The following HK2 variants were observed in gnomAD, a reference collection of about 807,000 sequenced individuals.
HK2 encodes hexokinase 2.
HK2 carries 42 observed loss-of-function variants against 92.9 expected under a neutral mutation model. That is an observed-to-expected ratio of 0.45 (90% confidence interval 0.35 to 0.58). The LOEUF (loss-of-function observed/expected upper bound fraction) is 0.58, where lower values mean the gene tolerates loss of function less well. HK2 is among the 20% of genes least tolerant of loss of function. The pLI, the probability that HK2 is intolerant of heterozygous loss-of-function variation, is 0.00. For synonymous variants in HK2, 422 were observed against 468.0 expected, an observed-to-expected ratio of 0.90 and a Z score of 1.27; for missense variants, 978 against 1,245.1, an observed-to-expected ratio of 0.79 and a Z score of 3.23.
chr2:74,852,688 TA>T (rs886620139), intron 1 of HK2, among the ~76,000 whole-genome samples: 337 of 145,586 alleles, frequency 2.3e-3, no homozygotes, highest in Admixed American at 3.1e-3. Context: ...ATTAAAAGAT[TA>T]AAAAAAAAAA....
intron 7 of HK2, among the ~76,000 whole-genome samples, chr2:74,874,766 G>GC (rs1441828558): frequency 6.6e-6 from 1 of 152,178 alleles, no homozygotes; most frequent in Non-Finnish European, 1.5e-5. Context: ...GGAACTGTGA[G>GC]CCACCTAAGG....
At chr2:74,857,268 T>C (rs973607933) in intron 2 of HK2, among the ~76,000 whole-genome samples, 7 of 152,244 alleles carry the variant, frequency 4.6e-5, no homozygotes, top group African/African-American at 1.7e-4. Flanking sequence ...TAGTCTGTTC[T>C]GCACATCTAC....
In HK2 at chr2:74,863,789, G is replaced by T. The variant is rs148549116; in HGVS notation, c.227-3847G>T. On this transcript the variant is annotated intron_variant, in intron 2 of 17. Transcript: ENST00000290573. ...GGAATGTTCAGTGCAGTTACCTGGG[G>T]CCACTGGAAATGATATTGTAGGGCA... 2.8e-3 allele frequency among the ~76,000 whole-genome samples: 424 copies of T among 152,290 alleles called. 1 individual carries two copies. Among genetic ancestry groups the T allele is most frequent in the African/African-American group, 9.4e-3 (392 of 41,556 alleles).
chr2:74,839,909 C>T (rs1688262043), intron 1 of HK2, among the ~76,000 whole-genome samples: 1 of 151,060 alleles, frequency 6.6e-6, no homozygotes, highest in African/African-American at 2.4e-5. Context: ...ACTTTGGCCT[C>T]CCAAAGTGCT....
chr2:74,874,381 G>A lies in HK2; in HGVS notation c.807G>A (p.Ser269=), dbSNP rs202135697. ...MEWGAFGDDG[S]LNDIRTEFDQ... ...GGGGGGCCTTCGGGGACGATGGCTC[G>A]CTCAACGACATTCGCACTGAGTTTG... is the stretch of plus-strand genomic sequence containing the variant. The change falls in exon 7 of 18, where the codon TCG becomes TCA. Residue 269 remains serine, a synonymous_variant. Transcript: ENST00000290573. The A allele has an allele frequency of 1.4e-5, 23 of 1,613,634 alleles. No individual in the cohort carries two copies. Among genetic ancestry groups the A allele is most frequent in the South Asian group, 8.8e-5 (8 of 90,990 alleles).
chr2:74,851,469 G>T (rs1388433303), intron 1 of HK2, among the ~76,000 whole-genome samples: 1 of 152,212 alleles, frequency 6.6e-6, no homozygotes, highest in African/African-American at 2.4e-5. Flanking sequence ...TGTCTGACTG[G>T]ATTTCCAACA....
At chr2:74,888,134 A>G (rs558235234) in intron 16 of HK2, 76 bp downstream of exon 16, 86 of 1,499,090 alleles carry the variant, frequency 5.7e-5, no homozygotes, top group Admixed American at 1.2e-4. Flanking sequence ...AAGGATTTCC[A>G]TAACTCAGGG....
chr2:74,864,955 T>C (rs1688912121), intron 2 of HK2, among the ~76,000 whole-genome samples: 1 of 152,158 alleles, frequency 6.6e-6, no homozygotes, highest in African/African-American at 2.4e-5. Context: ...ACACAGGTAG[T>C]GAAGCTGCTG....
chr2:74,849,844 C>T (rs1014646139), intron 1 of HK2, among the ~76,000 whole-genome samples: 4 of 152,206 alleles, frequency 2.6e-5, no homozygotes, highest in African/African-American at 4.8e-5. Context: ...CCTGTACGAA[C>T]GCTACCACTA....
rs1462044580 is a variant in HK2 at position 74,889,304 on chromosome 2, C to T, written c.2435C>T (p.Thr812Ile). Reference sequence around the variant, plus strand: ...CTGCAACACTTAGGGCTTGAGAGCACCTGTGACGACAGCATCATTGTTAAG... The same window carrying T: ...CTGCAACACTTAGGGCTTGAGAGCATCTGTGACGACAGCATCATTGTTAAG... ...AILQHLGLES[T>I]CDDSIIVKEV... is the part of the protein sequence containing the mutation. Residue 812 changes from threonine (T) to isoleucine (I), a missense_variant, in exon 17 of 18, where the codon ACC becomes ATC. Thr to Ile is a moderately conservative substitution (Grantham distance 89). This residue lies in a region of HK2 where 742 missense variants were observed against 922.5 expected (regional missense o/e 0.80). Coordinates refer to ENST00000290573, the MANE Select transcript of HK2 (RefSeq NM_000189.5). 2 of 1,614,234 alleles carry T rather than the reference C, an allele frequency of 1.2e-6. No individual in the cohort carries two copies. The highest frequency in any genetic ancestry group is 1.7e-6 in the Non-Finnish European group (2 of 1,180,038).
chr2:74,878,444 C>CAT, intron 8 of HK2, among the ~76,000 whole-genome samples: 1 of 151,030 alleles, frequency 6.6e-6, no homozygotes, highest in African/African-American at 2.5e-5. Context: ...TGTGTGCGCA[C>CAT]GCACATGCGT....
In HK2 at chr2:74,886,730, G is replaced by T. The variant is rs1403024152; in HGVS notation, c.2219+57G>T. ...ATCCCAGGACTGGATGGCAACAAGT[G>T]ATCAGAGCTTCCACAATGGCATCTC... On this transcript the variant is annotated intron_variant, in intron 15 of 17. Coordinates refer to ENST00000290573, the MANE Select transcript of HK2 (RefSeq NM_000189.5). The T allele has an allele frequency of 3.9e-6, 6 of 1,556,282 alleles. No individual in the cohort carries two copies. The Admixed American group carries it at 6.7e-5, about 17-fold the overall frequency.
chr2:74,859,000 C>T (rs1229701830), intron 2 of HK2, among the ~76,000 whole-genome samples: 4 of 152,228 alleles, frequency 2.6e-5, no homozygotes, highest in African/African-American at 7.2e-5. Flanking sequence ...TAGACATAAA[C>T]GGTCCAGGAA....
At chr2:74,880,799 G>T (rs2103989287) in intron 10 of HK2, among the ~76,000 whole-genome samples, 1 of 152,350 alleles carries the variant, frequency 6.6e-6, no homozygotes, top group East Asian at 1.9e-4. Context: ...AGCACTTTAT[G>T]TGTATGAGCT....
At chr2:74,838,479 T>C (rs1688223640) in intron 1 of HK2, among the ~76,000 whole-genome samples, 1 of 151,890 alleles carries the variant, frequency 6.6e-6, no homozygotes, top group Non-Finnish European at 1.5e-5. Flanking sequence ...GAGAGTTTCC[T>C]GTCCTTCAGC....
chr2:74,871,581 GCA>G (rs949102610), intron 3 of HK2, among the ~76,000 whole-genome samples: 134 of 152,304 alleles, frequency 8.8e-4, no homozygotes, highest in African/African-American at 3.0e-3. Flanking sequence ...TCTGGGTCCT[GCA>G]CAGTGAGTGC....
At chr2:74,863,351 T>C (rs1688874788) in intron 2 of HK2, among the ~76,000 whole-genome samples, 1 of 152,228 alleles carries the variant, frequency 6.6e-6, no homozygotes, top group African/African-American at 2.4e-5. Flanking sequence ...AAACAAATGA[T>C]GTAGAAGATC....
At position 74,881,912 on chromosome 2, in the gene HK2, C is replaced by A. The variant is rs1473377263; in HGVS notation, c.1719+53C>A. 11 of 1,590,826 alleles carry A rather than the reference C, an allele frequency of 6.9e-6. No individual in the cohort carries two copies. The African/African-American group carries it at 1.3e-4, about 19-fold the overall frequency. On this transcript the variant is annotated intron_variant, in intron 11 of 17. Coordinates refer to ENST00000290573, the MANE Select transcript of HK2 (RefSeq NM_000189.5). ...GGCCCCTGGTGGACGTCACCTCTTG[C>A]CTTCGAGGACAGTGCTTTCTCTGCT...
rs749803865 is a variant in HK2 at position 74,881,682 on chromosome 2, C to T, written c.1571-29C>T. On this transcript the variant is annotated intron_variant, in intron 10 of 17. Coordinates refer to ENST00000290573, the MANE Select transcript of HK2 (RefSeq NM_000189.5). ...CCACATTCCCCATGTTCTGCCCCAA[C>T]TTATCACTTCCCTGGGCTTATTTTC... 32 of 1,613,278 alleles carry T rather than the reference C, an allele frequency of 2.0e-5. No homozygotes were observed. The South Asian group carries it at 2.5e-4, about 13-fold the overall frequency.
Sources: allele counts gnomAD v4.1 joint callset (sites outside exome capture counted in the v4.1 genomes callset), GRCh38; gene constraint gnomAD v4.1.1; regional missense constraint gnomAD v4.1.1; transcripts MANE v1.5; gene names NCBI Gene and HGNC (gene_info 2026-07-23, HGNC 2026-07-21).